The following ATL2 variants were observed in gnomAD, a reference collection of about 807,000 sequenced individuals.
ATL2 encodes atlastin GTPase 2.
In ATL2, 31 loss-of-function variants were observed where a neutral mutation model predicts 73.9. The observed-to-expected ratio is 0.42, with a 90% CI of 0.32 to 0.57. The LOEUF (loss-of-function observed/expected upper bound fraction) is 0.57. Ranked by LOEUF, ATL2 falls within the 20% of genes least tolerant of loss-of-function variation. The pLI is 0.14. For synonymous variants in ATL2, 291 were observed against 237.5 expected (o/e 1.23, Z -2.07); for missense variants, 738 against 702.6 (o/e 1.05, Z -0.57).
chr2:38,368,438 G>C (rs1381308876), intron 1 of ATL2, among the ~76,000 whole-genome samples: 1 of 151,994 alleles, frequency 6.6e-6, no homozygotes, highest in African/African-American at 2.4e-5. Context: ...TTTTAGTAGA[G>C]GCGGGGTTTC....
chr2:38,372,617 A>T (rs150112255), intron 1 of ATL2, among the ~76,000 whole-genome samples: 10 of 152,340 alleles, frequency 6.6e-5, no homozygotes, highest in African/African-American at 2.4e-4. Flanking sequence ...TTGCCACAGG[A>T]TTGTCTAAAA....
intron 1 of ATL2, chr2:38,376,121 C>A: frequency 6.6e-7 from 1 of 1,517,416 alleles, no homozygotes; most frequent in Non-Finnish European, 8.9e-7. Flanking sequence ...CTTACCAAAT[C>A]GTAGGCTTTT....
At chr2:38,370,172 G>T (rs74866361) in intron 1 of ATL2, among the ~76,000 whole-genome samples, 4 of 114,284 alleles carry the variant, frequency 3.5e-5, no homozygotes, top group Non-Finnish European at 6.9e-5. Context: ...AAAAAAAAAA[G>T]AAAGAAAATC....
At chr2:38,312,225 T>C (rs1667791360) in intron 7 of ATL2, among the ~76,000 whole-genome samples, 1 of 152,206 alleles carries the variant, frequency 6.6e-6, no homozygotes, top group African/African-American at 2.4e-5. Flanking sequence ...TTTGGCTCTA[T>C]GTCCCCACCC....
At chr2:38,323,815 A>T (rs1668456489) in intron 2 of ATL2, among the ~76,000 whole-genome samples, 1 of 152,176 alleles carries the variant, frequency 6.6e-6, no homozygotes, top group South Asian at 2.1e-4. Context: ...GGCTCAAGTG[A>T]TCAAAGGGTT....
At chr2:38,353,830 A>G (rs1425963435) in intron 1 of ATL2, among the ~76,000 whole-genome samples, 1 of 152,246 alleles carries the variant, frequency 6.6e-6, no homozygotes, top group Non-Finnish European at 1.5e-5. Flanking sequence ...TTTTAAAAGA[A>G]GTGTCAACCT....
At position 38,314,312 on chromosome 2, in the gene ATL2, A is replaced by C. The variant is rs1261691216; in HGVS notation, c.711+296T>G. On this transcript the variant is annotated intron_variant, in intron 6 of 12. Coordinates refer to ENST00000378954, the MANE Select transcript of ATL2 (RefSeq NM_001135673.4). Reference sequence around the variant, plus strand: ...CCACGTATAAAAAAAAAATGGCATGACTGTCATATATTTCCTATTGTCTTA... The same window carrying C: ...CCACGTATAAAAAAAAAATGGCATGCCTGTCATATATTTCCTATTGTCTTA... Among the ~76,000 whole-genome samples the C allele has an allele frequency of 2.0e-5, 3 of 152,202 alleles. No individual in the cohort carries two copies. The East Asian group carries it at 5.8e-4, about 29-fold the overall frequency.
intron 1 of ATL2, among the ~76,000 whole-genome samples, chr2:38,366,890 T>C (rs1035176202): frequency 2.6e-5 from 4 of 152,188 alleles, no homozygotes; most frequent in Non-Finnish European, 4.4e-5. Context: ...CATTCCGGCC[T>C]CTAGTCCCAA....
At chr2:38,374,998 A>T (rs1227854095) in intron 1 of ATL2, among the ~76,000 whole-genome samples, 1 of 152,230 alleles carries the variant, frequency 6.6e-6, no homozygotes, top group East Asian at 1.9e-4. Flanking sequence ...ATTTCGAAGA[A>T]TTTCAAAACA....
At chr2:38,377,412 C>A (rs140560524), upstream of ATL2, 5,683 of 618,904 alleles carry the variant, frequency 9.2e-3, 106 homozygotes, top group East Asian at 0.072. Flanking sequence ...CGCCCTCCGC[C>A]TGTATCTCCT....
intron 1 of ATL2, among the ~76,000 whole-genome samples, chr2:38,357,173 C>T (rs1670715751): frequency 6.6e-6 from 1 of 151,792 alleles, no homozygotes; most frequent in Non-Finnish European, 1.5e-5. Flanking sequence ...ACTAAAAATA[C>T]AAAAATTAGC....
intron 10 of ATL2, 62 bp from the exon 11 acceptor site, chr2:38,299,389 T>G: frequency 6.9e-7 from 1 of 1,459,192 alleles, no homozygotes. Context: ...AAATTCTGAT[T>G]AACACAATAA....
In ATL2 at chr2:38,376,357, G is replaced by C. The variant is rs975708407; in HGVS notation, c.118+786C>G. The C allele has an allele frequency of 6.3e-6, 5 of 799,680 alleles. No homozygotes were observed. In the African/African-American group the frequency reaches 6.8e-5, roughly 11 times the overall value. The allele number at this position is 799,680 out of a possible 1,614,324, so 49.5% of individuals were successfully genotyped here. On this transcript the variant is annotated intron_variant, in intron 1 of 12. Transcript: ENST00000378954. Reference sequence around the variant, plus strand: ...CACGTACAGTAGGAGCTCACATTCAGCAAAACCAGGGAGCCAAGGATCAGG... The same window carrying C: ...CACGTACAGTAGGAGCTCACATTCACCAAAACCAGGGAGCCAAGGATCAGG...
chr2:38,365,334 C>G (rs1296499767), intron 1 of ATL2, among the ~76,000 whole-genome samples: 1 of 152,072 alleles, frequency 6.6e-6, no homozygotes, highest in Admixed American at 6.6e-5. Flanking sequence ...ATCTCTCTAC[C>G]TCAGATGACT....
At chr2:38,340,833 A>C (rs1669671530) in intron 2 of ATL2, among the ~76,000 whole-genome samples, 1 of 152,228 alleles carries the variant, frequency 6.6e-6, no homozygotes, top group South Asian at 2.1e-4. Flanking sequence ...TATATCAGGA[A>C]TTCTATAGGG....
chr2:38,365,176 C>CACACACACACACAAAT (rs1157711430), intron 1 of ATL2, among the ~76,000 whole-genome samples: 1 of 138,354 alleles, frequency 7.2e-6, no homozygotes, highest in Non-Finnish European at 1.5e-5. Flanking sequence ...AATACACACA[C>CACACACACACACAAAT]ACACACACAC....
Position 38,296,097 on chromosome 2 carries a change from C to A in ATL2, c.1649G>T (p.Gly550Val). The change falls in exon 13 of 13, where the codon GGT (glycine) becomes GTT (valine). Residue 550 changes from glycine to valine, a missense_variant. Coordinates refer to ENST00000378954, the MANE Select transcript of ATL2 (RefSeq NM_001135673.4). ...TATGTTTTCCTCCATCAAATTATCA[C>A]CCAGGGGCTTCAATACCTGTGGTAT... ...TLWEQVLKPL[G>V]DNLMEENIRQ... The A allele has an allele frequency of 6.4e-7, 1 of 1,551,072 alleles. No homozygotes were observed. The highest frequency in any genetic ancestry group is 8.7e-7 in the Non-Finnish European group (1 of 1,146,646).
In ATL2 at chr2:38,343,428, T is replaced by C; in HGVS notation, c.203A>G (p.Glu68Gly). The C allele has an allele frequency of 1.9e-6, 3 of 1,613,336 alleles. No homozygotes were observed. Among genetic ancestry groups the C allele is most frequent in the South Asian group, 2.2e-5 (2 of 91,040 alleles). ...PCPVQIVLAH[E>G]DDHNFELDEE... ...ATCAAGTTCAAAGTTATGGTCATCT[T>C]CATGAGCAAGAACAATCTGTACTGG... The change falls in exon 2 of 13, where the codon GAA becomes GGA. Residue 68 changes from glutamate to glycine, a missense_variant. Transcript: ENST00000378954.
chr2:38,297,395 G>A (rs1293297413), intron 12 of ATL2, among the ~76,000 whole-genome samples: 1 of 152,150 alleles, frequency 6.6e-6, no homozygotes, highest in Non-Finnish European at 1.5e-5. Context: ...TTGACATGAT[G>A]TTCAAGTATT....
Sources: gnomAD v4.1 joint callset for allele counts (sites outside exome capture counted in the v4.1 genomes callset) on GRCh38, gnomAD v4.1.1 for gene constraint, MANE v1.5 for transcripts, NCBI Gene and HGNC (gene_info 2026-07-23, HGNC 2026-07-21) for gene names.